Variants in HVCN1 observed in about 807,000 individuals in gnomAD.
HVCN1 encodes the protein hydrogen voltage gated channel 1, also known as voltage-gated hydrogen channel 1.
HVCN1 carries 14 observed loss-of-function variants against 29.2 expected under a neutral mutation model. The ratio of observed to expected loss-of-function variants is 0.48; its 90% CI spans 0.32 to 0.75. The LOEUF (loss-of-function observed/expected upper bound fraction) is 0.75, where lower values mean the gene tolerates loss of function less well. Among genes scored for constraint, HVCN1 ranks in the 30% least tolerant of loss-of-function variants. HVCN1 has a pLI of 0.04. For missense variants in HVCN1, 263 were observed against 341.8 expected (o/e 0.77, Z 1.82); for synonymous variants, 131 against 133.2 (o/e 0.98, Z 0.11).
intron 3 of HVCN1, among the ~76,000 whole-genome samples, chr12:110,669,172 G>A (rs1309340730): frequency 1.3e-5 from 2 of 152,064 alleles, no homozygotes; most frequent in African/African-American, 2.4e-5. Context: ...CCTAGGGCAC[G>A]CTGTCACTTA....
chr12:110,697,525 AG>A (rs1296319119), intron 2 of HVCN1, among the ~76,000 whole-genome samples: 1 of 152,214 alleles, frequency 6.6e-6, no homozygotes, highest in Non-Finnish European at 1.5e-5. Context: ...TGAAGGGAGC[AG>A]AGAAATGGGA....
chr12:110,686,526 TCAC>T (rs1240973503), intron 2 of HVCN1, among the ~76,000 whole-genome samples: 1 of 152,002 alleles, frequency 6.6e-6, no homozygotes, highest in African/African-American at 2.4e-5. Context: ...AGTGGAACCA[TCAC>T]CACAAGAGGA....
chr12:110,655,244 T>C lies in HVCN1; in HGVS notation c.401A>G (p.Tyr134Cys), dbSNP rs770183396. Residue 134 changes from tyrosine to cysteine, a missense_variant, in exon 5 of 8, where the codon TAT becomes TGT. Around this residue, in one of 3 missense-constraint regions of HVCN1, gnomAD observed 157 missense variants for 181.3 expected, o/e 0.87. Coordinates refer to ENST00000242607, the MANE Select transcript of HVCN1 (RefSeq NM_032369.4). Reference sequence around the variant, plus strand: ...GCTGTCAACCCCTACCATGGCAGCATAGTTATTCTTGTCGGGCTGGATGAT... The same window carrying C: ...GCTGTCAACCCCTACCATGGCAGCACAGTTATTCTTGTCGGGCTGGATGAT... Reference protein sequence around the residue: ...LKIIQPDKNNYAAMVFHYMSI... With the variant: ...LKIIQPDKNNCAAMVFHYMSI... The C allele has an allele frequency of 2.5e-6, 4 of 1,612,140 alleles. No homozygotes were observed. The African/African-American group carries it at 4.0e-5, about 16-fold the overall frequency.
intron 3 of HVCN1, among the ~76,000 whole-genome samples, chr12:110,665,556 CAAA>C (rs56307913): frequency 9.0e-6 from 1 of 111,186 alleles, no homozygotes. Flanking sequence ...AACTCCATCT[CAAA>C]AAAAAAAAAA....
intron 2 of HVCN1, among the ~76,000 whole-genome samples, chr12:110,696,093 C>A (rs1379973502): frequency 6.6e-6 from 1 of 151,676 alleles, no homozygotes; most frequent in Non-Finnish European, 1.5e-5. Context: ...GCTGGGATTA[C>A]AGGAGCCCGC....
chr12:110,649,984 T>C (rs554020431), intron 7 of HVCN1, among the ~76,000 whole-genome samples, 184 bp downstream of exon 7: 1 of 152,332 alleles, frequency 6.6e-6, no homozygotes, highest in South Asian at 2.1e-4. Context: ...TAGCTAGGAT[T>C]GCAGGCATGT....
At chr12:110,681,392 T>C (rs1022246657) in intron 3 of HVCN1, among the ~76,000 whole-genome samples, 8 of 152,348 alleles carry the variant, frequency 5.3e-5, no homozygotes, top group African/African-American at 1.9e-4. Context: ...TCAAATTTTG[T>C]GTCTAGAACA....
intron 3 of HVCN1, among the ~76,000 whole-genome samples, chr12:110,668,887 C>T (rs2068467412): frequency 6.6e-6 from 1 of 152,170 alleles, no homozygotes; most frequent in South Asian, 2.1e-4. Context: ...ATCTCGCCCC[C>T]TGCTTCTCCT....
chr12:110,651,753 T>C (rs935663792), intron 5 of HVCN1, among the ~76,000 whole-genome samples: 2 of 152,268 alleles, frequency 1.3e-5, no homozygotes, highest in African/African-American at 2.4e-5. Flanking sequence ...CAGCACTGTT[T>C]GCAGAACAAA....
chr12:110,652,353 T>G (rs1028551323), intron 5 of HVCN1, among the ~76,000 whole-genome samples: 6 of 152,202 alleles, frequency 3.9e-5, no homozygotes, highest in Non-Finnish European at 7.4e-5. Flanking sequence ...ATTGCACCAC[T>G]GCACTCCAGC....
At chr12:110,687,260 C>CT (rs1315001098) in intron 2 of HVCN1, among the ~76,000 whole-genome samples, 2 of 125,092 alleles carry the variant, frequency 1.6e-5, no homozygotes, top group African/African-American at 3.0e-5. Context: ...AGACCACACC[C>CT]CCCCCCCCCA....
intron 2 of HVCN1, among the ~76,000 whole-genome samples, chr12:110,698,582 G>A (rs373278151): frequency 6.6e-6 from 1 of 152,138 alleles, no homozygotes; most frequent in Non-Finnish European, 1.5e-5. Context: ...GAACTCCCTC[G>A]CACCCCTTGC....
intron 3 of HVCN1, among the ~76,000 whole-genome samples, chr12:110,678,439 C>CTTTTTTT (rs538999674): frequency 1.1e-3 from 73 of 65,832 alleles, no homozygotes; most frequent in Non-Finnish European, 1.6e-3. Context: ...CATTCTATTT[C>CTTTTTTT]TTTTTTTTTT....
intron 3 of HVCN1, among the ~76,000 whole-genome samples, chr12:110,671,251 C>T (rs1185589052): frequency 5.9e-5 from 9 of 152,156 alleles, no homozygotes; most frequent in African/African-American, 2.2e-4. Context: ...CGCTTGAACT[C>T]GAGAGGCTGC....
chr12:110,652,151 T>C (rs1486908314), intron 5 of HVCN1, among the ~76,000 whole-genome samples: 3 of 152,224 alleles, frequency 2.0e-5, no homozygotes, highest in Non-Finnish European at 4.4e-5. Context: ...CCCAGCACTT[T>C]GGGAGGCCAA....
chr12:110,691,500 C>A (rs918554912), upstream of HVCN1, among the ~76,000 whole-genome samples: 7 of 152,160 alleles, frequency 4.6e-5, no homozygotes, highest in South Asian at 4.1e-4. Context: ...ATTAAAAATT[C>A]TCCTCCTCCC....
chr12:110,684,348 A>T (rs1201857350), intron 2 of HVCN1, among the ~76,000 whole-genome samples: 1 of 152,256 alleles, frequency 6.6e-6, no homozygotes, highest in Non-Finnish European at 1.5e-5. Flanking sequence ...GCTTTACATT[A>T]TGTGAATTTC....
At chr12:110,698,015 C>T (rs189038599) in intron 2 of HVCN1, among the ~76,000 whole-genome samples, 1 of 152,298 alleles carries the variant, frequency 6.6e-6, no homozygotes, top group African/African-American at 2.4e-5. Context: ...CAAGGCCACA[C>T]AGCTGGTAAG....
At chr12:110,697,565 C>A (rs369407519) in intron 2 of HVCN1, among the ~76,000 whole-genome samples, 1 of 151,994 alleles carries the variant, frequency 6.6e-6, no homozygotes, top group Non-Finnish European at 1.5e-5. Context: ...ACACTGGAGT[C>A]CCCCCAAGAC....
Sources: allele counts gnomAD v4.1 joint callset (sites outside exome capture counted in the v4.1 genomes callset), GRCh38; gene constraint gnomAD v4.1.1; regional missense constraint gnomAD v4.1.1; transcripts MANE v1.5; gene names NCBI Gene and HGNC (gene_info 2026-07-23, HGNC 2026-07-21).